ZXDC: variants seen among roughly 807,000 people sequenced by gnomAD.
The protein encoded by ZXDC is zinc finger protein ZXDC.
Under a neutral mutation model 63.6 loss-of-function variants are expected in ZXDC, and 58 were observed. The observed-to-expected ratio is 0.91, with a 90% CI of 0.74 to 1.13. ZXDC has a LOEUF of 1.13. Ranked by LOEUF, ZXDC falls within the 50% of genes most tolerant of loss-of-function variation. The pLI is 0.00. For synonymous variants in ZXDC, 561 were observed against 496.1 expected (o/e 1.13, Z -1.74); for missense variants, 1,133 against 1,148.9 (o/e 0.99, Z 0.20).
At position 126,460,904 on chromosome 3, in the gene ZXDC, C is replaced by G. The variant is rs950195898; in HGVS notation, c.2127+631G>C. 1.7e-4 allele frequency: 166 copies of G among 985,400 alleles called. 1 individual carries two copies. The highest frequency in any genetic ancestry group is 1.2e-4 in the Admixed American group (2 of 16,292). The allele number at this position is 985,400 out of a possible 1,614,324, so 61.0% of individuals were successfully genotyped here. A position where few individuals can be genotyped will look rare whatever the true frequency, so the allele number is the denominator to read the frequency against. On this transcript the variant is annotated intron_variant, in intron 6 of 9. Transcript: ENST00000389709. The stretch of plus-strand genomic sequence containing the variant: ...TTAGCCTGTGCCACAAAAAAAATCC[C>G]TATCTGATCATTCCCATCTAGGTCA...
intron 5 of ZXDC, among the ~76,000 whole-genome samples, chr3:126,463,360 C>T (rs182242781): frequency 1.9e-3 from 290 of 152,310 alleles, no homozygotes; most frequent in South Asian, 6.2e-3. Flanking sequence ...TGAGCCACCA[C>T]GCCTGCAGCA....
At chr3:126,450,503 G>A (rs1934058640) in intron 7 of ZXDC, 1 of 456,546 alleles carries the variant, frequency 2.2e-6, no homozygotes, top group Non-Finnish European at 4.4e-6. Flanking sequence ...ACCCACCTGG[G>A]CACCTCATGA....
chr3:126,460,545 G>C, intron 6 of ZXDC: 1 of 985,352 alleles, frequency 1.0e-6, no homozygotes, highest in Non-Finnish European at 1.2e-6. Flanking sequence ...AAGGCACCGA[G>C]GCACACAGTC....
intron 5 of ZXDC, 50 bp downstream of exon 5, chr3:126,466,105 C>A (rs117995218): frequency 0.014 from 21,559 of 1,576,206 alleles, 1,025 homozygotes; most frequent in South Asian, 0.12. Flanking sequence ...GCACTGTTCC[C>A]GTTTCTCACA....
chr3:126,474,891 G>T lies in ZXDC; in HGVS notation c.907+68C>A, dbSNP rs1354550601. ...TAAGGTCTGGCAGGCCCCTCTGTGG[G>T]GCGGACGTGGCACCCCAGACCTGCC... On this transcript the variant is annotated intron_variant, in intron 1 of 9. Coordinates refer to ENST00000389709, the MANE Select transcript of ZXDC (RefSeq NM_025112.5). The T allele has an allele frequency of 3.4e-6, 5 of 1,485,796 alleles. No homozygotes were observed. The African/African-American group carries it at 5.6e-5, about 17-fold the overall frequency. The allele number at this position is 1,485,796 out of a possible 1,614,324, so 92.0% of individuals were successfully genotyped here.
chr3:126,460,657 A>G, intron 6 of ZXDC: 1 of 985,372 alleles, frequency 1.0e-6, no homozygotes, highest in South Asian at 4.7e-5. Flanking sequence ...CCGCCTAAGC[A>G]AATGCCGGCA....
intron 1 of ZXDC, among the ~76,000 whole-genome samples, chr3:126,474,507 A>C (rs893149286): frequency 6.6e-6 from 1 of 152,230 alleles, no homozygotes; most frequent in African/African-American, 2.4e-5. Flanking sequence ...AAAAGGCAAA[A>C]AAAGCCAGGA....
chr3:126,438,548 G>T, intron 9 of ZXDC, 87 bp from the exon 10 acceptor site: 1 of 1,235,466 alleles, frequency 8.1e-7, no homozygotes, highest in Non-Finnish European at 1.1e-6. Flanking sequence ...CACTGACCAG[G>T]CCCGTGGTGA....
At position 126,475,204 on chromosome 3, in the gene ZXDC, G is replaced by A. The variant is rs756329925; in HGVS notation, c.662C>T (p.Thr221Met). 1.9e-6 allele frequency: 3 copies of A among 1,583,336 alleles called. No homozygotes were observed. The highest frequency in any genetic ancestry group is 1.7e-6 in the Non-Finnish European group (2 of 1,164,498). Residue 221 changes from threonine to methionine, a missense_variant, in exon 1 of 10, where the codon ACG becomes ATG. By Grantham distance (81) the Thr-to-Met change is moderately conservative. Coordinates refer to ENST00000389709, the MANE Select transcript of ZXDC (RefSeq NM_025112.5). ...CAGGTGCCGCTTGAGCTTGTAGGAC[G>A]TTGTGAAGGCCCAACCACAGCCCTC... is the stretch of plus-strand genomic sequence containing the variant. ...PLEGCGWAFT[T>M]SYKLKRHLQS...
chr3:126,454,370 T>G lies in ZXDC; in HGVS notation c.2212+5283A>C, dbSNP rs111998152. ...GTCTATAGGTCTTATAGTTCTGTTG[T>G]AGGCTACACATGAACAGCAACCAAA... On this transcript the variant is annotated intron_variant, in intron 7 of 9. Transcript: ENST00000389709. 649 of 985,448 alleles carry G rather than the reference T, an allele frequency of 6.6e-4. 4 individuals are homozygous for G. In the African/African-American group the frequency reaches 0.01, roughly 16 times the overall value. The allele number at this position is 985,448 out of a possible 1,614,324, so 61.0% of individuals were successfully genotyped here.
At chr3:126,450,773 CTT>C in intron 7 of ZXDC, 1 of 351,294 alleles carries the variant, frequency 2.8e-6, no homozygotes, top group South Asian at 2.1e-5. Flanking sequence ...ACATCACTGA[CTT>C]AATTTCAAGG....
intron 5 of ZXDC, among the ~76,000 whole-genome samples, chr3:126,465,130 C>T (rs1934706170): frequency 6.6e-6 from 1 of 152,326 alleles, no homozygotes; most frequent in African/African-American, 2.4e-5. Flanking sequence ...ACGTGAGGAC[C>T]CAGTTGGTGA....
In ZXDC at chr3:126,438,173, C is replaced by T; in HGVS notation, c.*202G>A. ...TGCCAAAGCACTTTGCTCACAAAGG[C>T]AGTTTCAAAGAGTATAGCCCGAACT... On this transcript the variant is annotated 3_prime_UTR_variant, in exon 10 of 10. Coordinates refer to ENST00000389709, the MANE Select transcript of ZXDC (RefSeq NM_025112.5). 1 of 597,028 alleles carries T rather than the reference C, an allele frequency of 1.7e-6. No individual in the cohort carries two copies. Among genetic ancestry groups the T allele is most frequent in the Admixed American group, 2.9e-5 (1 of 34,770 alleles). 37.0% of individuals were successfully genotyped at this position (597,028 alleles called of 1,614,324 possible).
At position 126,438,400 on chromosome 3, in the gene ZXDC, G is replaced by A. The variant is rs769697162; in HGVS notation, c.2552C>T (p.Thr851Ile). ...TCACTGCAGATCCTGCAGGTTGATA[G>A]TGCTTCCTGGGAACTGGGTGGCCTC... ...GPEATQFPGS[T>I]INLQDLQ The change falls in exon 10 of 10, where the codon ACT (threonine) becomes ATT (isoleucine). Residue 851 changes from threonine to isoleucine, a missense_variant. Transcript: ENST00000389709. The A allele has an allele frequency of 3.7e-6, 6 of 1,613,596 alleles. No homozygotes were observed. In the South Asian group the frequency reaches 6.6e-5, roughly 18 times the overall value.
Position 126,472,214 on chromosome 3 carries a change from A to T in ZXDC, c.999T>A (p.Pro333=). 1 of 1,613,684 alleles carries T rather than the reference A, an allele frequency of 6.2e-7. No individual in the cohort carries two copies. Among genetic ancestry groups the T allele is most frequent in the Non-Finnish European group, 8.5e-7 (1 of 1,179,542 alleles). The change falls in exon 2 of 10, where the codon CCT becomes CCA. Residue 333 remains proline, a synonymous_variant. Transcript: ENST00000389709. ...REQELFSCSF[P]GCSKQYDKAC... is the part of the protein sequence containing the mutation. ...CTTTATCATACTGCTTGCTGCACCC[A>T]GGAAAGGAGCAGGAAAAGAGCTCTT...
At chr3:126,446,610 T>C (rs1933894238) in intron 7 of ZXDC, among the ~76,000 whole-genome samples, 1 of 152,124 alleles carries the variant, frequency 6.6e-6, no homozygotes, top group Non-Finnish European at 1.5e-5. Flanking sequence ...CTTCCTCTAC[T>C]GAGATCCTCA....
chr3:126,440,141 G>C lies in ZXDC; in HGVS notation c.2395-414C>G, dbSNP rs73859275. ...CAGAGGGCCTTCCCTGCATGCCCCAGCTTGCCTACGGGCCAGCTGGAAGGA... is the reference window on the plus strand; with the variant it reads ...CAGAGGGCCTTCCCTGCATGCCCCACCTTGCCTACGGGCCAGCTGGAAGGA... On this transcript the variant is annotated intron_variant, in intron 8 of 9. Transcript: ENST00000389709. The C allele has an allele frequency of 4.3e-3, 4,405 of 1,013,028 alleles. 141 individuals carry two copies. In the African/African-American group the frequency reaches 0.071, roughly 16 times the overall value. 62.8% of individuals were successfully genotyped at this position (1,013,028 alleles called of 1,614,324 possible).
chr3:126,464,154 A>AG, intron 5 of ZXDC, among the ~76,000 whole-genome samples: 2 of 152,374 alleles, frequency 1.3e-5, no homozygotes, highest in African/African-American at 4.8e-5. Flanking sequence ...TAAATTTCTT[A>AG]CTTAGCACTT....
intron 7 of ZXDC, among the ~76,000 whole-genome samples, chr3:126,455,840 T>C (rs1196080086): frequency 6.8e-6 from 1 of 147,282 alleles, no homozygotes; most frequent in African/African-American, 2.5e-5. Flanking sequence ...CTACTAAAAA[T>C]ACAAAAAAAA....
Sources: allele counts gnomAD v4.1 joint callset (sites outside exome capture counted in the v4.1 genomes callset), GRCh38; gene constraint gnomAD v4.1.1; transcripts MANE v1.5; gene names NCBI Gene and HGNC (gene_info 2026-07-23, HGNC 2026-07-21).